Variants in MED27 observed in about 807,000 individuals in gnomAD.
The protein encoded by MED27 is mediator of RNA polymerase II transcription subunit 27.
Under a neutral mutation model 38.2 loss-of-function variants are expected in MED27, and 30 were observed. The observed-to-expected ratio is 0.79, with a 90% CI of 0.59 to 1.07. The LOEUF (loss-of-function observed/expected upper bound fraction) is 1.07. Among genes scored for constraint, MED27 ranks in the 50% least tolerant of loss-of-function variants. The pLI is 0.00. For synonymous variants in MED27, 122 were observed against 153.5 expected (o/e 0.79, Z 1.52); for missense variants, 289 against 397.5 (o/e 0.73, Z 2.32).
intron 3 of MED27, among the ~76,000 whole-genome samples, chr9:131,963,990 G>A (rs1831279123): frequency 6.6e-6 from 1 of 152,212 alleles, no homozygotes; most frequent in South Asian, 2.1e-4. Context: ...TAGTGAATAA[G>A]TGAGTGTGCC....
chr9:131,981,691 G>C (rs1314878582), intron 3 of MED27, among the ~76,000 whole-genome samples: 1 of 152,348 alleles, frequency 6.6e-6, no homozygotes, highest in East Asian at 1.9e-4. Flanking sequence ...GCAGAGCAAA[G>C]CCAGGAGATG....
rs149356095 is a variant in MED27 at position 132,002,539 on chromosome 9, CTT to C, written c.479+11796_479+11797del. Among the ~76,000 whole-genome samples, 792 of 152,298 alleles carry C rather than the reference CTT, an allele frequency of 5.2e-3. 3 individuals carry two copies. Among genetic ancestry groups the C allele is most frequent in the African/African-American group, 0.017 (710 of 41,562 alleles). On this transcript the variant is annotated intron_variant, in intron 3 of 7. Coordinates refer to ENST00000292035, the MANE Select transcript of MED27 (RefSeq NM_004269.4). ...AAACTGGCTTACTGCTTCTTGATGA[CTT>C]ATAACCCTAACCAGGGACTTGCTTT...
intron 4 of MED27, among the ~76,000 whole-genome samples, chr9:131,928,270 G>A (rs1830517831): frequency 1.3e-5 from 2 of 152,202 alleles, no homozygotes; most frequent in Admixed American, 1.3e-4. Context: ...TCTGTGGCTT[G>A]GGCTAACACT....
At chr9:132,037,099 C>T (rs552332096) in intron 2 of MED27, among the ~76,000 whole-genome samples, 54 of 152,302 alleles carry the variant, frequency 3.5e-4, no homozygotes, top group African/African-American at 1.2e-3. Context: ...GCGCTGGGCA[C>T]AGGTGAACGC....
chr9:132,028,995 A>G (rs753723418), intron 2 of MED27, among the ~76,000 whole-genome samples: 5 of 152,228 alleles, frequency 3.3e-5, no homozygotes, highest in Non-Finnish European at 5.9e-5. Context: ...AAGCCATCAG[A>G]GATGCCACGG....
At chr9:131,921,306 A>T (rs1002730089) in intron 4 of MED27, among the ~76,000 whole-genome samples, 5 of 152,112 alleles carry the variant, frequency 3.3e-5, no homozygotes, top group African/African-American at 9.7e-5. Context: ...GTCACCCATA[A>T]ATTTTAGCAT....
chr9:131,876,255 C>T (rs1838930482), intron 6 of MED27, among the ~76,000 whole-genome samples: 1 of 152,218 alleles, frequency 6.6e-6, no homozygotes, highest in Non-Finnish European at 1.5e-5. Flanking sequence ...AAGAAACAAG[C>T]TATACAGATG....
intron 2 of MED27, among the ~76,000 whole-genome samples, chr9:132,055,554 T>C (rs1334919161): frequency 6.6e-6 from 1 of 152,212 alleles, no homozygotes; most frequent in African/African-American, 2.4e-5. Context: ...AAGGAAGATT[T>C]AGATGTGGGT....
chr9:131,868,786 C>A (rs34722774), intron 6 of MED27: 1 of 985,280 alleles, frequency 1.0e-6, no homozygotes, highest in African/African-American at 1.7e-5. Flanking sequence ...TGCCCGCCAT[C>A]TCCCAGGGCA....
chr9:131,907,531 C>T (rs1444287903), intron 4 of MED27, among the ~76,000 whole-genome samples: 1 of 152,150 alleles, frequency 6.6e-6, no homozygotes, highest in Non-Finnish European at 1.5e-5. Flanking sequence ...TCAATGGTGC[C>T]CAGGCTGGAG....
chr9:131,976,305 A>G (rs1258874116), intron 3 of MED27, among the ~76,000 whole-genome samples: 3 of 152,196 alleles, frequency 2.0e-5, no homozygotes, highest in African/African-American at 7.2e-5. Flanking sequence ...CTCTTACTCA[A>G]TCCAGGCATC....
At chr9:131,939,542 C>T in intron 3 of MED27, 68 bp from the exon 4 acceptor site, 1 of 918,860 alleles carries the variant, frequency 1.1e-6, no homozygotes, top group Non-Finnish European at 1.6e-6. Context: ...TAATAGTATT[C>T]AAAAGACATT....
intron 2 of MED27, among the ~76,000 whole-genome samples, chr9:132,033,542 T>A (rs1246516553): frequency 6.6e-6 from 1 of 152,228 alleles, no homozygotes; most frequent in East Asian, 1.9e-4. Flanking sequence ...AAATTCATCA[T>A]CAAAGGTTAC....
chr9:132,019,624 C>T (rs1251856763), intron 2 of MED27, among the ~76,000 whole-genome samples: 2 of 152,208 alleles, frequency 1.3e-5, no homozygotes, highest in Non-Finnish European at 2.9e-5. Flanking sequence ...CTACCCACAA[C>T]CCCATTTCAC....
intron 6 of MED27, among the ~76,000 whole-genome samples, chr9:131,864,113 G>C (rs1838696857): frequency 6.6e-6 from 1 of 152,196 alleles, no homozygotes; most frequent in Non-Finnish European, 1.5e-5. Context: ...TACCTAATTT[G>C]ATAGTTATGT....
rs182430422 is a variant in MED27, at chr9:132,014,219, A to T, written c.479+118T>A. 2.0e-4 allele frequency: 243 copies of T among 1,200,248 alleles called. No individual in the cohort carries two copies. In the African/African-American group the frequency reaches 3.3e-3, roughly 16 times the overall value. 74.3% of individuals were successfully genotyped at this position (1,200,248 alleles called of 1,614,324 possible). ...GTGAAAAAGTAAGACTCCGTCTCAA[A>T]AAAAGGAAGGGAGGGAGGGAATTTT... is the stretch of plus-strand genomic sequence containing the variant. On this transcript the variant is annotated intron_variant, in intron 3 of 7. Transcript: ENST00000292035.
chr9:131,918,047 C>A (rs997116532), intron 4 of MED27, among the ~76,000 whole-genome samples: 2 of 152,086 alleles, frequency 1.3e-5, no homozygotes, highest in African/African-American at 2.4e-5. Context: ...AATAAAATTC[C>A]CTTGGAGGTG....
chr9:132,067,736 G>A (rs1833840215), intron 2 of MED27, among the ~76,000 whole-genome samples: 2 of 152,168 alleles, frequency 1.3e-5, no homozygotes, highest in Non-Finnish European at 2.9e-5. Context: ...TTTTGAGACG[G>A]AGTCTTGCTC....
At chr9:132,007,383 A>C (rs914292981) in intron 3 of MED27, among the ~76,000 whole-genome samples, 2 of 152,234 alleles carry the variant, frequency 1.3e-5, no homozygotes, top group Admixed American at 6.5e-5. Context: ...AAATGGAACC[A>C]ACCGCTGATA....
Sources: allele counts gnomAD v4.1 joint callset (sites outside exome capture counted in the v4.1 genomes callset), GRCh38; gene constraint gnomAD v4.1.1; transcripts MANE v1.5; gene names NCBI Gene and HGNC (gene_info 2026-07-23, HGNC 2026-07-21).